Variants in SFT2D2 observed in about 807,000 individuals in gnomAD.
SFT2D2 encodes the protein vesicle transport protein SFT2B.
SFT2D2 carries 21 observed loss-of-function variants against 27.4 expected under a neutral mutation model. The observed-to-expected ratio is 0.77, with a 90% CI of 0.54 to 1.10. The LOEUF (loss-of-function observed/expected upper bound fraction) is 1.10. Ranked by LOEUF, SFT2D2 falls within the 50% of genes least tolerant of loss-of-function variation. SFT2D2 has a pLI of 0.00. For synonymous variants in SFT2D2, 72 were observed against 71.7 expected (o/e 1.00, Z -0.02); for missense variants, 187 against 194.2 (o/e 0.96, Z 0.22).
At chr1:168,226,226 C>A in intron 1 of SFT2D2, 84 bp downstream of exon 1, 1 of 1,270,464 alleles carries the variant, frequency 7.9e-7, no homozygotes, top group Non-Finnish European at 1.1e-6. Context: ...CCTGCGGGGA[C>A]TCCCTGGAGT....
At chr1:168,235,350 C>T (rs1356541167) in intron 4 of SFT2D2, among the ~76,000 whole-genome samples, 168 bp downstream of exon 4, 3 of 152,158 alleles carry the variant, frequency 2.0e-5, no homozygotes, top group South Asian at 4.1e-4. Flanking sequence ...AGTAATACTA[C>T]GATCCCCTCC....
chr1:168,240,446 A>AAGGATCCCT (rs771403288), intron 7 of SFT2D2, among the ~76,000 whole-genome samples: 16 of 152,124 alleles, frequency 1.1e-4, no homozygotes, highest in South Asian at 6.2e-4. Flanking sequence ...TGAGAAGAAT[A>AAGGATCCCT]TGGGCAGGGA....
rs751473775 is a variant in SFT2D2, at chr1:168,236,803, T to C, written c.413+33T>C. 4 of 1,605,322 alleles carry C rather than the reference T, an allele frequency of 2.5e-6. No homozygotes were observed. In the South Asian group the frequency reaches 4.4e-5, roughly 18 times the overall value. On this transcript the variant is annotated intron_variant, in intron 6 of 7. Transcript: ENST00000271375. ...ACCTTTTAAACAATCCCCTCCCACA[T>C]AGCCCACTGAATAATGTAGCCAAAG...
chr1:168,238,550 A>C (rs932958620), intron 6 of SFT2D2, among the ~76,000 whole-genome samples: 2 of 151,986 alleles, frequency 1.3e-5, no homozygotes, highest in Non-Finnish European at 2.9e-5. Context: ...GCATGGTGGC[A>C]CATACTTGTA....
At chr1:168,229,773 T>C (rs1434610090) in intron 1 of SFT2D2, 1 of 152,260 alleles carries the variant, frequency 6.6e-6, no homozygotes, top group Non-Finnish European at 1.5e-5. Context: ...TATTCTGTCC[T>C]TGGCGAGAGC....
chr1:168,226,967 C>A (rs1700468078), intron 1 of SFT2D2, among the ~76,000 whole-genome samples: 2 of 152,018 alleles, frequency 1.3e-5, no homozygotes, highest in African/African-American at 4.8e-5. Flanking sequence ...TTACAGACAC[C>A]CGCCATCAAA....
intron 6 of SFT2D2, 86 bp downstream of exon 6, chr1:168,236,856 G>A (rs1247874296): frequency 9.1e-6 from 13 of 1,427,764 alleles, no homozygotes; most frequent in Non-Finnish European, 1.3e-5. Context: ...TTGTGGGTGG[G>A]AGAATTAAGA....
chr1:168,239,305 A>C, intron 7 of SFT2D2, 145 bp downstream of exon 7: 4 of 623,108 alleles, frequency 6.4e-6, no homozygotes, highest in Non-Finnish European at 8.5e-6. Flanking sequence ...TAGATAAGTA[A>C]GTTAAAGGTC....
chr1:168,241,349 G>A (rs750849855), intron 7 of SFT2D2, among the ~76,000 whole-genome samples: 30 of 150,922 alleles, frequency 2.0e-4, no homozygotes, highest in Admixed American at 1.3e-3. Context: ...ACGCCACCAT[G>A]CCAGGCTCAT....
chr1:168,246,972 T>C lies in SFT2D2; in HGVS notation c.*4432T>C, dbSNP rs1647834191. 1.1e-5 allele frequency: 7 copies of C among 612,534 alleles called. No homozygotes were observed. The highest frequency in any genetic ancestry group is 8.4e-5 in the South Asian group (6 of 71,394). 37.9% of individuals were successfully genotyped at this position (612,534 alleles called of 1,614,324 possible). A position where few individuals can be genotyped will look rare whatever the true frequency, so the allele number is the denominator to read the frequency against. On this transcript the variant is annotated 3_prime_UTR_variant, in exon 8 of 8. Transcript: ENST00000271375. ...CCTGGCAATTTCATCTTGCATCAAATGGTTTTTATGCAACAGGTCTTCTTC... is the reference window on the plus strand; with the variant it reads ...CCTGGCAATTTCATCTTGCATCAAACGGTTTTTATGCAACAGGTCTTCTTC...
intron 1 of SFT2D2, among the ~76,000 whole-genome samples, chr1:168,230,603 A>G (rs112424934): frequency 6.6e-6 from 1 of 152,134 alleles, no homozygotes; most frequent in East Asian, 1.9e-4. Context: ...CCTTCCAAGT[A>G]GCAGGGATTA....
At chr1:168,238,381 T>C (rs1465170656) in intron 6 of SFT2D2, among the ~76,000 whole-genome samples, 1 of 151,984 alleles carries the variant, frequency 6.6e-6, no homozygotes, top group Non-Finnish European at 1.5e-5. Context: ...CTGTGCCAGG[T>C]ATGGGTGGCT....
chr1:168,231,676 T>G, intron 2 of SFT2D2, 76 bp downstream of exon 2: 1 of 1,520,024 alleles, frequency 6.6e-7, no homozygotes, highest in Non-Finnish European at 9.1e-7. Flanking sequence ...TCCACCTCCT[T>G]TCCCCTTTTG....
rs573335389 is a variant in SFT2D2, at chr1:168,226,200, G to A, written c.63+58G>A. On this transcript the variant is annotated intron_variant, in intron 1 of 7. Transcript: ENST00000271375. ...GCCGCGCTCCCGCCCTGCGTCCCCT[G>A]CCCGGGCCTGGGAAGCCTGCGGGGA... The A allele has an allele frequency of 1.4e-5, 21 of 1,477,452 alleles. 1 individual carries two copies. In the South Asian group the frequency reaches 2.6e-4, roughly 18 times the overall value. 91.5% of individuals were successfully genotyped at this position (1,477,452 alleles called of 1,614,324 possible).
rs1211742946 is a variant in SFT2D2 at position 168,249,781 on chromosome 1, A to T, written c.*7241A>T. The T allele has an allele frequency of 1.3e-5, 2 of 152,334 alleles. No individual in the cohort carries two copies. Among genetic ancestry groups the T allele is most frequent in the African/African-American group, 2.4e-5 (1 of 41,458 alleles). The allele number at this position is 152,334 out of a possible 1,614,324, so 9.4% of individuals were successfully genotyped here. On this transcript the variant is annotated 3_prime_UTR_variant, in exon 8 of 8. Coordinates refer to ENST00000271375, the MANE Select transcript of SFT2D2 (RefSeq NM_199344.3). ...ACAGTTCCTGCTGGGTCATTGCAAG[A>T]TGTCAGTGAGACGTGTCAAGTGCTT...
intron 6 of SFT2D2, among the ~76,000 whole-genome samples, chr1:168,238,798 G>GT (rs1398861226): frequency 6.6e-6 from 1 of 152,178 alleles, no homozygotes; most frequent in African/African-American, 2.4e-5. Context: ...TGCCATCTGG[G>GT]TATTTGAAAT....
rs1647838433 is a variant in SFT2D2 at position 168,247,124 on chromosome 1, A to G, written c.*4584A>G. The G allele has an allele frequency of 3.4e-6, 1 of 297,296 alleles. No homozygotes were observed. The highest frequency in any genetic ancestry group is 2.3e-5 in the African/African-American group (1 of 43,874). The allele number at this position is 297,296 out of a possible 1,614,324, so 18.4% of individuals were successfully genotyped here. A position where few individuals can be genotyped will look rare whatever the true frequency, so the allele number is the denominator to read the frequency against. On this transcript the variant is annotated 3_prime_UTR_variant, in exon 8 of 8. Coordinates refer to ENST00000271375, the MANE Select transcript of SFT2D2 (RefSeq NM_199344.3). Reference sequence around the variant, plus strand: ...AGTACACTAGTCTTTTTCATTTTTTAATTTTTACTGTAAGTCACTCAGTGA... The same window carrying G: ...AGTACACTAGTCTTTTTCATTTTTTGATTTTTACTGTAAGTCACTCAGTGA...
chr1:168,239,871 AG>A (rs1647599747), intron 7 of SFT2D2, among the ~76,000 whole-genome samples: 1 of 151,144 alleles, frequency 6.6e-6, no homozygotes, highest in East Asian at 1.9e-4. Flanking sequence ...ATTAAAAACA[AG>A]CTTTTTAAAA....
chr1:168,226,170 C>A (rs986095346), intron 1 of SFT2D2, 28 bp downstream of exon 1: 8 of 1,523,362 alleles, frequency 5.3e-6, no homozygotes, highest in Non-Finnish European at 7.1e-6. Context: ...CGTCGGCCCC[C>A]TCTCGCCGCG....
Sources: allele counts gnomAD v4.1 joint callset (sites outside exome capture counted in the v4.1 genomes callset), GRCh38; gene constraint gnomAD v4.1.1; transcripts MANE v1.5; gene names NCBI Gene and HGNC (gene_info 2026-07-23, HGNC 2026-07-21).